The following SNTB1 variants were observed in gnomAD, a reference collection of about 807,000 sequenced individuals.
The protein encoded by SNTB1 is syntrophin beta 1, also known as beta-1-syntrophin.
SNTB1 carries 36 observed loss-of-function variants against 48.9 expected under a neutral mutation model. The observed-to-expected ratio is 0.74, with a 90% CI of 0.56 to 0.97. The LOEUF is 0.97. SNTB1 is among the 50% of genes least tolerant of loss of function. The pLI, the probability that SNTB1 is intolerant of heterozygous loss-of-function variation, is 0.00. For missense variants in SNTB1, 786 were observed against 703.4 expected (o/e 1.12, Z -1.33); for synonymous variants, 299 against 294.6 (o/e 1.01, Z -0.15).
chr8:120,603,841 A>C (rs1816466236), intron 3 of SNTB1, among the ~76,000 whole-genome samples: 2 of 152,206 alleles, frequency 1.3e-5, no homozygotes, highest in Non-Finnish European at 2.9e-5. Context: ...GGGAGGAATA[A>C]AGCTCTTTCT....
chr8:120,790,145 C>T (rs1288489233), intron 1 of SNTB1, among the ~76,000 whole-genome samples: 1 of 151,866 alleles, frequency 6.6e-6, no homozygotes, highest in Non-Finnish European at 1.5e-5. Context: ...GCCTTATGAA[C>T]ATTTCCATAG....
At chr8:120,547,613 A>G (rs1009758915) in intron 5 of SNTB1, among the ~76,000 whole-genome samples, 1 of 143,466 alleles carries the variant, frequency 7.0e-6, no homozygotes, top group Non-Finnish European at 1.6e-5. Context: ...AAAAAAAAAA[A>G]CAACTTTGTT....
intron 2 of SNTB1, among the ~76,000 whole-genome samples, chr8:120,686,337 T>C (rs572542434): frequency 7.9e-5 from 12 of 152,330 alleles, no homozygotes; most frequent in African/African-American, 2.9e-4. Flanking sequence ...AATTTTTTTC[T>C]CACAATTCTG....
chr8:120,680,036 C>T (rs1279257528), intron 2 of SNTB1, among the ~76,000 whole-genome samples: 1 of 152,072 alleles, frequency 6.6e-6, no homozygotes, highest in Non-Finnish European at 1.5e-5. Context: ...GCTGAGAATA[C>T]CCTCCCTGTC....
intron 2 of SNTB1, among the ~76,000 whole-genome samples, chr8:120,687,216 C>A (rs1818049126): frequency 6.6e-6 from 1 of 152,146 alleles, no homozygotes; most frequent in Admixed American, 6.5e-5. Context: ...CACCAAAGAC[C>A]ATCTGTCTAT....
intron 1 of SNTB1, among the ~76,000 whole-genome samples, chr8:120,719,899 C>G (rs1038265531): frequency 1.3e-5 from 2 of 152,236 alleles, no homozygotes; most frequent in Admixed American, 6.5e-5. Context: ...ATTCCACTTA[C>G]ATGAATGGCG....
chr8:120,609,184 G>T (rs1288167325), intron 3 of SNTB1, among the ~76,000 whole-genome samples: 1 of 152,064 alleles, frequency 6.6e-6, no homozygotes, highest in South Asian at 2.1e-4. Context: ...CAAAGGAAAA[G>T]AACAAAGGAA....
At chr8:120,590,971 C>T (rs1321682353) in intron 3 of SNTB1, among the ~76,000 whole-genome samples, 2 of 152,202 alleles carry the variant, frequency 1.3e-5, no homozygotes, top group African/African-American at 2.4e-5. Flanking sequence ...CAACGTGAAA[C>T]ACTGTGCCCT....
At chr8:120,673,294 C>CTT (rs112897189) in intron 2 of SNTB1, among the ~76,000 whole-genome samples, 2 of 143,698 alleles carry the variant, frequency 1.4e-5, no homozygotes, top group Non-Finnish European at 1.5e-5. Context: ...TTTTTTCTTT[C>CTT]TTTTTTTTTT....
At chr8:120,623,560 A>T (rs958801524) in intron 3 of SNTB1, among the ~76,000 whole-genome samples, 1 of 152,134 alleles carries the variant, frequency 6.6e-6, no homozygotes, top group African/African-American at 2.4e-5. Context: ...TGCAACCCCA[A>T]TGTGGTCCTG....
At chr8:120,777,247 C>T (rs1290657867) in intron 1 of SNTB1, among the ~76,000 whole-genome samples, 1 of 152,208 alleles carries the variant, frequency 6.6e-6, no homozygotes, top group East Asian at 1.9e-4. Flanking sequence ...GACTGACAAA[C>T]ATGTTGAACT....
intron 1 of SNTB1, among the ~76,000 whole-genome samples, chr8:120,785,478 C>A (rs188995852): frequency 6.6e-6 from 1 of 152,194 alleles, no homozygotes; most frequent in Non-Finnish European, 1.5e-5. Context: ...CCGATCCCCA[C>A]GCAGATCATT....
intron 2 of SNTB1, among the ~76,000 whole-genome samples, chr8:120,645,169 C>A (rs1202715655): frequency 2.0e-5 from 3 of 151,750 alleles, no homozygotes; most frequent in Non-Finnish European, 4.4e-5. Flanking sequence ...TTAGTTTAAT[C>A]AGATCCCATT....
chr8:120,808,595 G>A (rs900560470), intron 1 of SNTB1, among the ~76,000 whole-genome samples: 6 of 152,160 alleles, frequency 3.9e-5, no homozygotes, highest in Non-Finnish European at 7.3e-5. Flanking sequence ...CATTCTCATT[G>A]TGTTCTTCCA....
At chr8:120,791,158 TAC>T (rs1239149496) in intron 1 of SNTB1, among the ~76,000 whole-genome samples, 1 of 151,682 alleles carries the variant, frequency 6.6e-6, no homozygotes, top group Non-Finnish European at 1.5e-5. Flanking sequence ...TAAAGTCAAA[TAC>T]AACCAACTGG....
At chr8:120,792,902 G>A (rs576459830) in intron 1 of SNTB1, among the ~76,000 whole-genome samples, 1 of 152,008 alleles carries the variant, frequency 6.6e-6, no homozygotes, top group African/African-American at 2.4e-5. Context: ...TAAGATTGAA[G>A]TGTCTATTAC....
chr8:120,758,207 C>T (rs1259101474), intron 1 of SNTB1, among the ~76,000 whole-genome samples: 3 of 152,158 alleles, frequency 2.0e-5, no homozygotes, highest in East Asian at 3.8e-4. Flanking sequence ...GAAATTTGCA[C>T]TTCTCAAATT....
In SNTB1 at chr8:120,616,701, T is replaced by C. The variant is rs148044459; in HGVS notation, c.996+15743A>G. ...TTAAAATTACACAGCATGCAGCACTTCCATTTGCATAAAGCCACTTAAAAA... is the reference window on the plus strand; with the variant it reads ...TTAAAATTACACAGCATGCAGCACTCCCATTTGCATAAAGCCACTTAAAAA... On this transcript the variant is annotated intron_variant, in intron 3 of 6. Coordinates refer to ENST00000517992, the MANE Select transcript of SNTB1 (RefSeq NM_021021.4). 1.8e-3 allele frequency among the ~76,000 whole-genome samples: 281 copies of C among 152,268 alleles called. 2 individuals carry two copies. The highest frequency in any genetic ancestry group is 6.5e-3 in the African/African-American group (269 of 41,546).
At chr8:120,757,072 C>T (rs1354454243) in intron 1 of SNTB1, among the ~76,000 whole-genome samples, 1 of 152,166 alleles carries the variant, frequency 6.6e-6, no homozygotes, top group Non-Finnish European at 1.5e-5. Flanking sequence ...GTTTATTGTA[C>T]ATCTACTATA....
Sources: allele counts gnomAD v4.1 joint callset (sites outside exome capture counted in the v4.1 genomes callset), GRCh38; gene constraint gnomAD v4.1.1; transcripts MANE v1.5; gene names NCBI Gene and HGNC (gene_info 2026-07-23, HGNC 2026-07-21).